Variants in ACO2 observed in about 807,000 individuals in gnomAD.
The protein encoded by ACO2 is aconitase 2.
A neutral mutation model predicts 84.5 loss-of-function variants in ACO2; 31 were observed. The ratio of observed to expected loss-of-function variants is 0.37; its 90% confidence interval spans 0.28 to 0.50. The LOEUF is 0.50. Among genes scored for constraint, ACO2 ranks in the 20% least tolerant of loss-of-function variants. The pLI, the probability that ACO2 is intolerant of heterozygous loss-of-function variation, is 0.97. For missense variants in ACO2, 685 were observed against 1,029.3 expected (o/e 0.67, Z 4.58); for synonymous variants, 414 against 412.7 (o/e 1.00, Z -0.04).
chr22:41,507,011 C>T (rs920763966), intron 2 of ACO2, among the ~76,000 whole-genome samples: 1 of 151,596 alleles, frequency 6.6e-6, no homozygotes, highest in South Asian at 2.1e-4. Context: ...GGGGAGAAGA[C>T]GGTTGAGTCC....
At position 41,523,522 on chromosome 22, in the gene ACO2, G is replaced by A. The variant is rs540733753; in HGVS notation, c.1370+244G>A. Among the ~76,000 whole-genome samples, 99 of 152,322 alleles carry A rather than the reference G, an allele frequency of 6.5e-4. No homozygotes were observed. The South Asian group carries it at 6.6e-3, about 10-fold the overall frequency. ...CCTGGGCTGGCAGGAGGAAGCCAGC[G>A]CGGCCTCACCCTGACGGACACAGCA... On this transcript the variant is annotated intron_variant, in intron 11 of 17. Coordinates refer to ENST00000216254, the MANE Select transcript of ACO2 (RefSeq NM_001098.3).
rs767030427 is a variant in ACO2, at chr22:41,469,125, C to G, written c.-22C>G. On this transcript the variant is annotated 5_prime_UTR_variant, in exon 1 of 18. Transcript: ENST00000216254. ...GTGTGGGACGTCACTTTAATGCGAC[C>G]TCATCTTTGTCAGTGCACAAAATGG... 1.9e-6 allele frequency: 3 copies of G among 1,606,030 alleles called. No homozygotes were observed. The highest frequency in any genetic ancestry group is 3.4e-5 in the Admixed American group (2 of 58,876).
intron 1 of ACO2, among the ~76,000 whole-genome samples, chr22:41,493,305 G>T (rs117797272): frequency 6.6e-6 from 1 of 152,208 alleles, no homozygotes; most frequent in East Asian, 1.9e-4. Context: ...CCTTGCCCTT[G>T]AAGTTAGTCT....
At chr22:41,490,780 C>T (rs1487684689) in intron 1 of ACO2, among the ~76,000 whole-genome samples, 4 of 152,144 alleles carry the variant, frequency 2.6e-5, no homozygotes, top group Non-Finnish European at 5.9e-5. Flanking sequence ...TCAACCTGCT[C>T]TGTATTTTAA....
chr22:41,498,729 C>T (rs2066332915), intron 1 of ACO2, among the ~76,000 whole-genome samples: 1 of 152,168 alleles, frequency 6.6e-6, no homozygotes, highest in African/African-American at 2.4e-5. Flanking sequence ...CTTCTTATGA[C>T]CTAGTCTCAA....
chr22:41,472,401 A>G (rs886614140), intron 1 of ACO2, among the ~76,000 whole-genome samples: 7 of 151,632 alleles, frequency 4.6e-5, no homozygotes, highest in Non-Finnish European at 7.4e-5. Flanking sequence ...AGTTGTTAGT[A>G]GGTATGGTTT....
chr22:41,516,001 C>A, intron 6 of ACO2, 84 bp downstream of exon 6: 2 of 1,514,034 alleles, frequency 1.3e-6, no homozygotes, highest in Non-Finnish European at 1.8e-6. Flanking sequence ...CGGTGAATGG[C>A]CTTCACTTGA....
chr22:41,486,924 C>G (rs2038164875), intron 1 of ACO2, among the ~76,000 whole-genome samples: 1 of 151,978 alleles, frequency 6.6e-6, no homozygotes, highest in South Asian at 2.1e-4. Context: ...GTCTCTGTCG[C>G]CCAGGCTGGA....
intron 1 of ACO2, among the ~76,000 whole-genome samples, chr22:41,495,814 G>A (rs2066309430): frequency 6.7e-6 from 1 of 150,254 alleles, no homozygotes; most frequent in African/African-American, 2.4e-5. Flanking sequence ...TGTTAGCCAG[G>A]ACTGTCTCCA....
intron 1 of ACO2, 95 bp downstream of exon 1, chr22:41,469,277 T>A: frequency 7.0e-7 from 1 of 1,434,296 alleles, no homozygotes; most frequent in Non-Finnish European, 9.5e-7. Flanking sequence ...GGGCCCAACC[T>A]GGGGCCAACT....
Position 41,507,788 on chromosome 22 carries a change from C to A in ACO2, c.174-3C>A, listed in dbSNP as rs1394463629. ...GGCCACCCTTCTGCTCTTCTCCCCACAGACTGAACCGGCCGCTGACACTCT... is the reference window on the plus strand; with the variant it reads ...GGCCACCCTTCTGCTCTTCTCCCCAAAGACTGAACCGGCCGCTGACACTCT... On this transcript the variant is annotated splice_polypyrimidine_tract_variant and splice_region_variant and intron_variant, in intron 2 of 17. Coordinates refer to ENST00000216254, the MANE Select transcript of ACO2 (RefSeq NM_001098.3). The A allele has an allele frequency of 6.2e-7, 1 of 1,612,600 alleles. No individual in the cohort carries two copies. Among genetic ancestry groups the A allele is most frequent in the South Asian group, 1.1e-5 (1 of 90,870 alleles).
intron 8 of ACO2, among the ~76,000 whole-genome samples, chr22:41,519,117 AC>A (rs1175508931): frequency 1.3e-5 from 2 of 152,188 alleles, no homozygotes; most frequent in Non-Finnish European, 2.9e-5. Flanking sequence ...TCAGTTTGCC[AC>A]CAGCTCAGCT....
At chr22:41,483,671 A>G (rs958511679) in intron 1 of ACO2, among the ~76,000 whole-genome samples, 3 of 151,736 alleles carry the variant, frequency 2.0e-5, no homozygotes, top group Non-Finnish European at 2.9e-5. Flanking sequence ...AAAAAAAAAA[A>G]GAAAATTAAA....
At position 41,528,623 on chromosome 22, in the gene ACO2, C is replaced by T. The variant is rs770752912; in HGVS notation, c.*10C>T. On this transcript the variant is annotated 3_prime_UTR_variant, in exon 18 of 18. Coordinates refer to ENST00000216254, the MANE Select transcript of ACO2 (RefSeq NM_001098.3). ...GGAACTGCAACAGTGAGGGCAGTGC[C>T]TCCCCGCCCCGCCGCTGGCGTCAAG... 3 of 1,543,420 alleles carry T rather than the reference C, an allele frequency of 1.9e-6. No homozygotes were observed. Among genetic ancestry groups the T allele is most frequent in the South Asian group, 2.6e-5 (2 of 78,380 alleles).
chr22:41,523,031 G>A (rs551069383), intron 10 of ACO2, 44 bp downstream of exon 10: 3 of 1,607,848 alleles, frequency 1.9e-6, no homozygotes, highest in Admixed American at 3.3e-5. Context: ...ACCCCATGCT[G>A]AGTAATGCCT....
At chr22:41,509,719 G>T (rs1393057795) in intron 3 of ACO2, among the ~76,000 whole-genome samples, 1 of 152,000 alleles carries the variant, frequency 6.6e-6, no homozygotes, top group African/African-American at 2.4e-5. Flanking sequence ...GGTGGTATGA[G>T]GTGGGCAGGG....
chr22:41,523,300 A>C (rs1450295089), intron 11 of ACO2, 22 bp downstream of exon 11: 1 of 1,583,816 alleles, frequency 6.3e-7, no homozygotes, highest in Middle Eastern at 1.7e-4. Context: ...ATCTTTTGAC[A>C]AGACAGCCCC....
In ACO2 at chr22:41,523,277, AG is replaced by A; in HGVS notation, c.1370+1del. On this transcript the variant is annotated frameshift_variant and splice_region_variant, in exon 11 of 18. Transcript: ENST00000216254. LOFTEE classifies it high-confidence loss of function. ...TGGCCCCTGCATTGGCCAGTGGGAC[AG>A]GTAAGAGGCGTATCTTTTGACAAGA... is the stretch of plus-strand genomic sequence containing the variant. ...ACGPCIGQWDRKDIKKGEKNT... is the reference protein window; with the variant it reads ...ACGPCIGQWDXKDIKKGEKNT... The A allele has an allele frequency of 6.2e-7, 1 of 1,605,988 alleles. No homozygotes were observed. Among genetic ancestry groups the A allele is most frequent in the Non-Finnish European group, 8.5e-7 (1 of 1,175,486 alleles).
intron 12 of ACO2, 101 bp downstream of exon 12, chr22:41,524,042 T>C: frequency 1.9e-6 from 2 of 1,034,438 alleles, no homozygotes; most frequent in Non-Finnish European, 2.9e-6. Context: ...GTCATCCAAG[T>C]GGTAGCCAGG....
Sources: allele counts gnomAD v4.1 joint callset (sites outside exome capture counted in the v4.1 genomes callset), GRCh38; gene constraint gnomAD v4.1.1; transcripts MANE v1.5; gene names NCBI Gene and HGNC (gene_info 2026-07-23, HGNC 2026-07-21).